VPS13B: variants seen among roughly 807,000 people sequenced by gnomAD.
The protein encoded by VPS13B is vacuolar protein sorting 13 homolog B.
VPS13B carries 285 observed loss-of-function variants against 426.4 expected under a neutral mutation model. The ratio of observed to expected loss-of-function variants is 0.67; its 90% CI spans 0.61 to 0.74. The LOEUF (loss-of-function observed/expected upper bound fraction) is 0.74, where lower values mean the gene tolerates loss of function less well. Among genes scored for constraint, VPS13B ranks in the 30% least tolerant of loss-of-function variants. The probability of loss-of-function intolerance (pLI) is 0.00; values close to 1 mark genes in which losing one functional copy is unlikely to be tolerated. For missense variants in VPS13B, 4,537 were observed against 4,782.6 expected (o/e 0.95, Z 1.51); for synonymous variants, 1,676 against 1,676.4 (o/e 1.00, Z 0.01).
intron 14 of VPS13B, among the ~76,000 whole-genome samples, chr8:99,155,041 G>T (rs1182431910): frequency 6.6e-6 from 1 of 151,708 alleles, no homozygotes; most frequent in Non-Finnish European, 1.5e-5. Context: ...AAGACAAAAA[G>T]GTGGAAGATT....
chr8:99,280,043 A>G (rs1819089718), intron 19 of VPS13B, among the ~76,000 whole-genome samples: 1 of 152,226 alleles, frequency 6.6e-6, no homozygotes, highest in Non-Finnish European at 1.5e-5. Flanking sequence ...TCCTGGGATT[A>G]CAGGCGTAAG....
chr8:99,478,447 GTTTTTTTTT>G (rs56261645), intron 24 of VPS13B, among the ~76,000 whole-genome samples: 2 of 85,778 alleles, frequency 2.3e-5, no homozygotes, highest in African/African-American at 1.0e-4. Flanking sequence ...TTTTTGTTTT[GTTTTTTTTT>G]TTTTTTTTTG....
chr8:99,668,673 C>A (rs185015637), intron 35 of VPS13B, among the ~76,000 whole-genome samples: 1 of 152,250 alleles, frequency 6.6e-6, no homozygotes, highest in East Asian at 1.9e-4. Context: ...CAACCCCCCA[C>A]CTTTTCCCCT....
intron 17 of VPS13B, among the ~76,000 whole-genome samples, chr8:99,256,683 A>G (rs186241362): frequency 2.0e-5 from 3 of 152,216 alleles, no homozygotes; most frequent in African/African-American, 4.8e-5. Context: ...ATCCATTTGC[A>G]TATCTTCTTT....
intron 31 of VPS13B, among the ~76,000 whole-genome samples, chr8:99,575,012 A>G (rs1322618834): frequency 6.6e-6 from 1 of 152,076 alleles, no homozygotes. Flanking sequence ...AAAAATAAAA[A>G]TAAATTAGCC....
chr8:99,206,205 G>A (rs1814709435), intron 17 of VPS13B, among the ~76,000 whole-genome samples: 1 of 152,112 alleles, frequency 6.6e-6, no homozygotes, highest in African/African-American at 2.4e-5. Context: ...TTTGTTGACA[G>A]TGTAGTTTCA....
chr8:99,618,434 G>T (rs2133887956), intron 33 of VPS13B, among the ~76,000 whole-genome samples: 1 of 152,246 alleles, frequency 6.6e-6, no homozygotes, highest in East Asian at 1.9e-4. Flanking sequence ...CTAGTTAATT[G>T]CATTCTCAAA....
At chr8:99,633,558 C>G (rs1828937611) in intron 33 of VPS13B, among the ~76,000 whole-genome samples, 1 of 151,974 alleles carries the variant, frequency 6.6e-6, no homozygotes, top group African/African-American at 2.4e-5. Flanking sequence ...AATTGTAAAC[C>G]CTAATATAAT....
chr8:99,208,921 T>C (rs1438086267), intron 17 of VPS13B, among the ~76,000 whole-genome samples: 2 of 152,140 alleles, frequency 1.3e-5, no homozygotes, highest in Non-Finnish European at 2.9e-5. Context: ...GGCTACTGAG[T>C]AGTAAAAAAT....
intron 58 of VPS13B, among the ~76,000 whole-genome samples, chr8:99,867,689 G>A (rs1345775499): frequency 2.6e-5 from 4 of 152,124 alleles, no homozygotes; most frequent in African/African-American, 9.7e-5. Context: ...CTAGGAATAT[G>A]AGGATCAAAT....
At chr8:99,706,041 A>C (rs2130233700) in intron 36 of VPS13B, among the ~76,000 whole-genome samples, 1 of 152,112 alleles carries the variant, frequency 6.6e-6, no homozygotes, top group East Asian at 1.9e-4. Flanking sequence ...ACTGACCTGA[A>C]CTCGATTTGA....
intron 12 of VPS13B, among the ~76,000 whole-genome samples, chr8:99,138,604 A>G (rs777534285): frequency 8.5e-5 from 13 of 152,248 alleles, no homozygotes; most frequent in South Asian, 2.1e-4. Context: ...GTGGATAGTG[A>G]TAACTATTAA....
intron 24 of VPS13B, among the ~76,000 whole-genome samples, chr8:99,478,072 A>G (rs1445159978): frequency 2.0e-5 from 3 of 150,580 alleles, no homozygotes; most frequent in African/African-American, 7.3e-5. Context: ...ACATAACAAC[A>G]TGCTGTCTTT....
intron 35 of VPS13B, chr8:99,697,450 G>A (rs1276469640): frequency 5.6e-6 from 4 of 712,430 alleles, no homozygotes; most frequent in Non-Finnish European, 1.0e-5. Flanking sequence ...TAACTAAGGA[G>A]GAAATCGACA....
At position 99,633,984 on chromosome 8, in the gene VPS13B, A is replaced by G. The variant is rs376052558; in HGVS notation, c.5221-7827A>G. Among the ~76,000 whole-genome samples, 19 of 152,150 alleles carry G rather than the reference A, an allele frequency of 1.2e-4. No individual in the cohort carries two copies. In the East Asian group the frequency reaches 3.3e-3, roughly 26 times the overall value. On this transcript the variant is annotated intron_variant, in intron 33 of 61. Coordinates refer to ENST00000357162, the MANE Select transcript of VPS13B (RefSeq NM_152564.5). Reference sequence around the variant, plus strand: ...ATATATGTGAGCAACATAGAGAAAGAACGGAACAGAGAATGAGAACTGTTT... The same window carrying G: ...ATATATGTGAGCAACATAGAGAAAGGACGGAACAGAGAATGAGAACTGTTT...
At chr8:99,209,692 C>T (rs764054695) in intron 17 of VPS13B, 52 of 992,052 alleles carry the variant, frequency 5.2e-5, no homozygotes, top group Non-Finnish European at 6.1e-5. Flanking sequence ...GAGGCCCAAG[C>T]CACTGTGCCT....
chr8:99,587,137 A>T (rs1338952391), intron 33 of VPS13B, among the ~76,000 whole-genome samples: 1 of 152,160 alleles, frequency 6.6e-6, no homozygotes, highest in Non-Finnish European at 1.5e-5. Flanking sequence ...CCATGTTGCT[A>T]CAAAGGACAT....
At chr8:99,663,617 A>G (rs769685126) in intron 35 of VPS13B, among the ~76,000 whole-genome samples, 15 of 152,218 alleles carry the variant, frequency 9.9e-5, no homozygotes, top group Non-Finnish European at 2.2e-4. Context: ...GGGCCTTTTT[A>G]TTACATCAGT....
At chr8:99,250,258 C>T (rs988927050) in intron 17 of VPS13B, among the ~76,000 whole-genome samples, 7 of 152,190 alleles carry the variant, frequency 4.6e-5, no homozygotes, top group Non-Finnish European at 1.0e-4. Flanking sequence ...CCTCTTTATA[C>T]TATTCTAGAT....
Sources: gnomAD v4.1 joint callset for allele counts (sites outside exome capture counted in the v4.1 genomes callset) on GRCh38, gnomAD v4.1.1 for gene constraint, MANE v1.5 for transcripts, NCBI Gene and HGNC (gene_info 2026-07-23, HGNC 2026-07-21) for gene names.